The following GRIK2 variants were observed in gnomAD, a reference collection of about 807,000 sequenced individuals.
The protein encoded by GRIK2 is glutamate ionotropic receptor kainate type subunit 2.
In GRIK2, 32 loss-of-function variants were observed where a neutral mutation model predicts 100.3. That is an observed-to-expected ratio of 0.32 (90% CI 0.24 to 0.43). GRIK2 has a LOEUF of 0.43. Ranked by LOEUF, GRIK2 falls within the 20% of genes least tolerant of loss-of-function variation. The pLI is 1.00. For missense variants in GRIK2, 843 were observed against 1,114.9 expected (o/e 0.76, Z 3.47); for synonymous variants, 417 against 389.4 (o/e 1.07, Z -0.83).
At chr6:102,022,523 T>A (rs908411740) in intron 14 of GRIK2, among the ~76,000 whole-genome samples, 1 of 151,676 alleles carries the variant, frequency 6.6e-6, no homozygotes, top group African/African-American at 2.4e-5. Flanking sequence ...TGACGGCATG[T>A]CTCTAAAAAC....
At chr6:101,850,029 A>G (rs961154943) in intron 10 of GRIK2, among the ~76,000 whole-genome samples, 1 of 151,996 alleles carries the variant, frequency 6.6e-6, no homozygotes, top group Non-Finnish European at 1.5e-5. Flanking sequence ...TTTTCAAAAT[A>G]AATGATTTGT....
chr6:101,885,443 C>G lies in GRIK2; in HGVS notation c.1525-4197C>G, dbSNP rs538668917. 4.8e-3 allele frequency among the ~76,000 whole-genome samples: 726 copies of G among 152,158 alleles called. 7 individuals carry two copies. The highest frequency in any genetic ancestry group is 0.017 in the African/African-American group (694 of 41,538). ...TTGTTAAGTCATCTTTGGAGCCATACTTTCCTTAAGATCTCAGGTTTCGGG... is the reference window on the plus strand; with the variant it reads ...TTGTTAAGTCATCTTTGGAGCCATAGTTTCCTTAAGATCTCAGGTTTCGGG... On this transcript the variant is annotated intron_variant, in intron 11 of 16. Coordinates refer to ENST00000369134, the MANE Select transcript of GRIK2 (RefSeq NM_021956.5).
intron 2 of GRIK2, among the ~76,000 whole-genome samples, chr6:101,551,642 C>T (rs1293022397): frequency 6.6e-6 from 1 of 152,132 alleles, no homozygotes; most frequent in Admixed American, 6.5e-5. Flanking sequence ...ACTCTTGGAA[C>T]ATAGAAGCGA....
At chr6:101,426,329 G>T (rs1832415) in intron 2 of GRIK2, among the ~76,000 whole-genome samples, 120,519 of 152,092 alleles carry the variant, frequency 0.79, 48,377 homozygotes, top group East Asian at 0.96. Flanking sequence ...ATGGTTATGG[G>T]GAAGATTACA....
intron 2 of GRIK2, among the ~76,000 whole-genome samples, chr6:101,560,008 T>C (rs1309001678): frequency 6.6e-6 from 1 of 152,102 alleles, no homozygotes; most frequent in Non-Finnish European, 1.5e-5. Flanking sequence ...TTCTAGAAGA[T>C]TTTTCCAACT....
rs190965180 is a variant in GRIK2, at chr6:101,531,329, G to A, written c.116-90620G>A. ...CAAAAGAAAAGGACCAGGTCTCATCGTATATACGTATACATAGGCATACAT... is the reference window on the plus strand; with the variant it reads ...CAAAAGAAAAGGACCAGGTCTCATCATATATACGTATACATAGGCATACAT... On this transcript the variant is annotated intron_variant, in intron 2 of 16. Coordinates refer to ENST00000369134, the MANE Select transcript of GRIK2 (RefSeq NM_021956.5). 4.7e-4 allele frequency among the ~76,000 whole-genome samples: 71 copies of A among 151,910 alleles called. 1 individual carries two copies. The highest frequency in any genetic ancestry group is 3.4e-3 in the Middle Eastern group (1 of 294).
At position 101,584,399 on chromosome 6, in the gene GRIK2, A is replaced by G. The variant is rs75051515; in HGVS notation, c.116-37550A>G. Among the ~76,000 whole-genome samples the G allele has an allele frequency of 7.5e-3, 1,148 of 152,186 alleles. 16 individuals are homozygous for G. The highest frequency in any genetic ancestry group is 0.026 in the African/African-American group (1,075 of 41,566). On this transcript the variant is annotated intron_variant, in intron 2 of 16. Transcript: ENST00000369134. ...TCAGGTTTTCAAATAAAAATGGTCTAGTTTAATGCAATTTCACAGAACTTA... is the reference window on the plus strand; with the variant it reads ...TCAGGTTTTCAAATAAAAATGGTCTGGTTTAATGCAATTTCACAGAACTTA...
At chr6:101,533,874 T>A (rs1775560758) in intron 2 of GRIK2, among the ~76,000 whole-genome samples, 1 of 152,072 alleles carries the variant, frequency 6.6e-6, no homozygotes, top group African/African-American at 2.4e-5. Context: ...TTACTGGAAT[T>A]GATTGAATAT....
chr6:101,455,163 G>A (rs565824723), intron 2 of GRIK2, among the ~76,000 whole-genome samples: 213 of 152,158 alleles, frequency 1.4e-3, no homozygotes, highest in Middle Eastern at 3.4e-3. Flanking sequence ...CTGAGGCAGG[G>A]AAAGGAAACT....
chr6:101,430,542 T>A, intron 2 of GRIK2: 1 of 166,636 alleles, frequency 6.0e-6, no homozygotes, highest in South Asian at 1.5e-4. Context: ...CGGGCAGTGA[T>A]CTCCTTCTAT....
At chr6:101,528,905 G>A (rs991360300) in intron 2 of GRIK2, among the ~76,000 whole-genome samples, 3 of 152,102 alleles carry the variant, frequency 2.0e-5, no homozygotes, top group Non-Finnish European at 4.4e-5. Flanking sequence ...GGGATTTTCT[G>A]TACAATGCAA....
chr6:101,760,602 A>ATGTTTAATTATG lies in GRIK2; in HGVS notation c.952-39045_952-39044insGTTTAATTATGT, dbSNP rs1161644812. Among the ~76,000 whole-genome samples, 330 of 61,030 alleles carry ATGTTTAATTATG rather than the reference A, an allele frequency of 5.4e-3. 27 individuals are homozygous for ATGTTTAATTATG. Among genetic ancestry groups the ATGTTTAATTATG allele is most frequent in the African/African-American group, 0.04 (309 of 7,764 alleles). 40.0% of individuals were successfully genotyped at this position (61,030 alleles called of 152,430 possible). ...ATTATATATAATTATATATAATTAT[A>ATGTTTAATTATG]TATAATTATATTTAATTATATGTTT... is the stretch of plus-strand genomic sequence containing the variant. On this transcript the variant is annotated intron_variant, in intron 7 of 16. Transcript: ENST00000369134.
intron 2 of GRIK2, among the ~76,000 whole-genome samples, chr6:101,598,919 T>C (rs768768063): frequency 7.3e-5 from 11 of 151,484 alleles, no homozygotes; most frequent in Non-Finnish European, 1.0e-4. Flanking sequence ...AAAATAATTT[T>C]AATTTTAATT....
intron 7 of GRIK2, among the ~76,000 whole-genome samples, chr6:101,704,114 A>C (rs1773092317): frequency 1.3e-5 from 2 of 151,770 alleles, no homozygotes; most frequent in Admixed American, 6.6e-5. Flanking sequence ...AGGGGCCATA[A>C]ATGTTAAGTG....
At chr6:101,550,425 A>G (rs1408551194) in intron 2 of GRIK2, among the ~76,000 whole-genome samples, 1 of 152,160 alleles carries the variant, frequency 6.6e-6, no homozygotes, top group East Asian at 1.9e-4. Flanking sequence ...TTGCTCCATC[A>G]TTTAGTTTGC....
intron 7 of GRIK2, among the ~76,000 whole-genome samples, chr6:101,756,216 G>A (rs1334265293): frequency 1.3e-5 from 2 of 152,086 alleles, no homozygotes; most frequent in African/African-American, 4.8e-5. Flanking sequence ...GAGGCACTGG[G>A]ATATTTAGAA....
At chr6:101,422,012 G>C (rs558768392) in intron 2 of GRIK2, among the ~76,000 whole-genome samples, 2 of 152,182 alleles carry the variant, frequency 1.3e-5, no homozygotes, top group Non-Finnish European at 2.9e-5. Flanking sequence ...GACATTAAAA[G>C]TGTTGCTCCT....
intron 2 of GRIK2, among the ~76,000 whole-genome samples, chr6:101,505,555 C>T (rs1582600629): frequency 6.6e-6 from 1 of 152,086 alleles, no homozygotes; most frequent in East Asian, 1.9e-4. Flanking sequence ...GCAATACTAT[C>T]CATAATTGCA....
intron 4 of GRIK2, among the ~76,000 whole-genome samples, chr6:101,652,575 G>A (rs911905701): frequency 6.6e-6 from 1 of 152,104 alleles, no homozygotes; most frequent in African/African-American, 2.4e-5. Flanking sequence ...ACAAAGAAAA[G>A]CAGAGAAATG....
Sources: allele counts gnomAD v4.1 joint callset (sites outside exome capture counted in the v4.1 genomes callset), GRCh38; gene constraint gnomAD v4.1.1; transcripts MANE v1.5; gene names NCBI Gene and HGNC (gene_info 2026-07-23, HGNC 2026-07-21).